DOCK1: variants seen among roughly 807,000 people sequenced by gnomAD.
The protein encoded by DOCK1 is dedicator of cytokinesis 1.
A neutral mutation model predicts 262.7 loss-of-function variants in DOCK1; 138 were observed. The observed-to-expected ratio is 0.53, with a 90% CI of 0.46 to 0.61. The LOEUF (loss-of-function observed/expected upper bound fraction) is 0.61. Among genes scored for constraint, DOCK1 ranks in the 20% least tolerant of loss-of-function variants. The pLI is 0.00. For missense variants in DOCK1, 1,908 were observed against 2,370.7 expected, an observed-to-expected ratio of 0.80 and a Z score of 4.05; for synonymous variants, 866 against 867.4, an observed-to-expected ratio of 1.00 and a Z score of 0.03.
chr10:127,051,347 T>C (rs2044712293), intron 21 of DOCK1, among the ~76,000 whole-genome samples: 1 of 152,178 alleles, frequency 6.6e-6, no homozygotes, highest in African/African-American at 2.4e-5. Context: ...TTCTTATATA[T>C]TGTTTATAGT....
chr10:127,195,760 C>T (rs1431090635), intron 27 of DOCK1, among the ~76,000 whole-genome samples: 1 of 152,270 alleles, frequency 6.6e-6, no homozygotes, highest in East Asian at 2.0e-4. Context: ...CTCAGCGACC[C>T]GGTCGCGCCA....
chr10:127,410,175 A>G (rs2067759673), intron 42 of DOCK1, among the ~76,000 whole-genome samples: 1 of 152,244 alleles, frequency 6.6e-6, no homozygotes, highest in African/African-American at 2.4e-5. Flanking sequence ...AATAATGGGA[A>G]ATAAACTGGG....
intron 1 of DOCK1, among the ~76,000 whole-genome samples, chr10:126,906,245 AG>A (rs1198496053): frequency 6.6e-6 from 1 of 151,948 alleles, no homozygotes; most frequent in Non-Finnish European, 1.5e-5. Flanking sequence ...GTCGCTTCCG[AG>A]GGGGGATGGA....
chr10:127,102,472 G>T (rs1416580702), intron 23 of DOCK1, among the ~76,000 whole-genome samples: 1 of 152,186 alleles, frequency 6.6e-6, no homozygotes, highest in Non-Finnish European at 1.5e-5. Flanking sequence ...CATTCTTTCA[G>T]TCATTTCCCA....
chr10:127,269,514 A>G (rs1483089926), intron 29 of DOCK1, among the ~76,000 whole-genome samples: 1 of 152,148 alleles, frequency 6.6e-6, no homozygotes, highest in Non-Finnish European at 1.5e-5. Context: ...AAGTCAACCC[A>G]TTTTGCTTGC....
In DOCK1 at chr10:127,431,065, T is replaced by TGTGCTCAGGAGGAAGCTG. The variant is rs542432862; in HGVS notation, c.4915-2216_4915-2199dup. 2.0e-3 allele frequency among the ~76,000 whole-genome samples: 299 copies of TGTGCTCAGGAGGAAGCTG among 152,312 alleles called. 3 individuals carry two copies. The East Asian group carries it at 0.047, about 24-fold the overall frequency. On this transcript the variant is annotated intron_variant, in intron 47 of 51. Transcript: ENST00000623213. ...TCTGGGCAGGGAAGACTGCTCCCTGTGTGCTCAGGAGGAAGCTGGGGCTCC... is the reference window on the plus strand; with the variant it reads ...TCTGGGCAGGGAAGACTGCTCCCTGTGTGCTCAGGAGGAAGCTGGTGCTCAGGAGGAAGCTGGGGCTCC...
chr10:127,335,855 C>T (rs552854770), intron 29 of DOCK1, among the ~76,000 whole-genome samples: 31 of 152,192 alleles, frequency 2.0e-4, no homozygotes, highest in Non-Finnish European at 3.8e-4. Context: ...GCTGGGACTA[C>T]GGGCACCTAC....
chr10:127,262,438 C>G (rs930780530), intron 29 of DOCK1, among the ~76,000 whole-genome samples: 1 of 152,156 alleles, frequency 6.6e-6, no homozygotes, highest in Non-Finnish European at 1.5e-5. Context: ...AGTCAGCCAC[C>G]GAGGAGGCAT....
chr10:127,401,991 T>G (rs983356490), intron 38 of DOCK1, among the ~76,000 whole-genome samples: 1 of 152,166 alleles, frequency 6.6e-6, no homozygotes, highest in Non-Finnish European at 1.5e-5. Context: ...GTGGTTCCCC[T>G]CAGGACTGGC....
intron 23 of DOCK1, among the ~76,000 whole-genome samples, chr10:127,082,035 C>T (rs995473191): frequency 6.6e-6 from 1 of 152,152 alleles, no homozygotes; most frequent in Non-Finnish European, 1.5e-5. Context: ...TCTTTGACTT[C>T]CTCTCTGATC....
intron 33 of DOCK1, among the ~76,000 whole-genome samples, chr10:127,362,814 G>A (rs1208122827): frequency 3.4e-5 from 1 of 29,112 alleles, no homozygotes; most frequent in African/African-American, 1.1e-4. Context: ...TGTATTCTTG[G>A]GTTGGCACCC....
intron 1 of DOCK1, among the ~76,000 whole-genome samples, chr10:126,912,804 T>G (rs1422992593): frequency 6.6e-6 from 1 of 152,020 alleles, no homozygotes; most frequent in African/African-American, 2.4e-5. Context: ...GACCACACTT[T>G]GACTTAGTCA....
intron 27 of DOCK1, among the ~76,000 whole-genome samples, chr10:127,201,145 T>C (rs142384800): frequency 2.1e-4 from 32 of 152,294 alleles, no homozygotes; most frequent in African/African-American, 6.5e-4. Context: ...ACAGACACAA[T>C]CCTCAAGGTG....
intron 1 of DOCK1, among the ~76,000 whole-genome samples, chr10:126,943,032 G>A (rs930039544): frequency 3.2e-4 from 49 of 151,490 alleles, no homozygotes; most frequent in African/African-American, 1.2e-3. Flanking sequence ...TGAGGCTGGT[G>A]AATCATTTGA....
chr10:127,213,925 C>T (rs1179511389), intron 27 of DOCK1, among the ~76,000 whole-genome samples: 3 of 152,108 alleles, frequency 2.0e-5, no homozygotes, highest in Admixed American at 6.5e-5. Flanking sequence ...CTGCAAGCTC[C>T]GCCTCTGGGG....
chr10:127,061,055 T>G (rs1344560681), intron 22 of DOCK1, among the ~76,000 whole-genome samples: 2 of 152,102 alleles, frequency 1.3e-5, no homozygotes, highest in Non-Finnish European at 2.9e-5. Context: ...ATGGTGTAAC[T>G]TCTTCCCTAC....
chr10:127,427,547 CAAGG>C (rs1348152678), intron 47 of DOCK1, among the ~76,000 whole-genome samples: 1 of 152,164 alleles, frequency 6.6e-6, no homozygotes, highest in Non-Finnish European at 1.5e-5. Context: ...ATTTTACAGT[CAAGG>C]AAACAGGGAC....
At chr10:127,363,029 A>C in intron 33 of DOCK1, among the ~76,000 whole-genome samples, 1 of 143,444 alleles carries the variant, frequency 7.0e-6, no homozygotes, top group African/African-American at 2.7e-5. Context: ...ACACACACAC[A>C]TGCACCTCCC....
chr10:126,905,481 A>G lies in DOCK1; in HGVS notation c.-37A>G. ...ATGGAAAATGGCGGCCTAGACGCGG[A>G]GTTTCCTGCCCGACCCGCGGCGGCT... On this transcript the variant is annotated 5_prime_UTR_variant, in exon 1 of 52. Transcript: ENST00000623213. 1 of 517,784 alleles carries G rather than the reference A, an allele frequency of 1.9e-6. No individual in the cohort carries two copies. The highest frequency in any genetic ancestry group is 3.9e-5 in the East Asian group (1 of 25,828). 32.1% of individuals were successfully genotyped at this position (517,784 alleles called of 1,614,324 possible).
Sources: gnomAD v4.1 joint callset for allele counts (sites outside exome capture counted in the v4.1 genomes callset) on GRCh38, gnomAD v4.1.1 for gene constraint, MANE v1.5 for transcripts, NCBI Gene and HGNC (gene_info 2026-07-23, HGNC 2026-07-21) for gene names.